Variants in NRXN1 observed in about 807,000 individuals in gnomAD.
NRXN1 encodes neurexin-1.
A neutral mutation model predicts 150.9 loss-of-function variants in NRXN1; 39 were observed. The observed-to-expected ratio is 0.26, with a 90% CI of 0.20 to 0.34. The LOEUF (loss-of-function observed/expected upper bound fraction) is 0.34, where lower values mean the gene tolerates loss of function less well. NRXN1 is among the 10% of genes least tolerant of loss of function. The pLI is 1.00. For missense variants in NRXN1, 1,815 were observed against 1,949.9 expected (o/e 0.93, Z 1.30); for synonymous variants, 924 against 757.0 (o/e 1.22, Z -3.62).
chr2:50,428,879 C>T (rs1196553426), intron 17 of NRXN1, among the ~76,000 whole-genome samples: 1 of 152,128 alleles, frequency 6.6e-6, no homozygotes, highest in Non-Finnish European at 1.5e-5. Context: ...GCCAATGTCA[C>T]ACAGCTTCTA....
intron 18 of NRXN1, among the ~76,000 whole-genome samples, chr2:50,112,734 A>C (rs1334641578): frequency 6.6e-6 from 1 of 152,210 alleles, no homozygotes; most frequent in Non-Finnish European, 1.5e-5. Flanking sequence ...CTTTACTAAA[A>C]TGCAGCATAA....
intron 21 of NRXN1, among the ~76,000 whole-genome samples, chr2:50,045,213 A>G (rs1318748324): frequency 6.6e-6 from 1 of 152,252 alleles, no homozygotes; most frequent in Non-Finnish European, 1.5e-5. Flanking sequence ...AGATGATAAA[A>G]CATGTAAGAA....
intron 10 of NRXN1, among the ~76,000 whole-genome samples, chr2:50,533,610 C>T (rs1009763208): frequency 1.3e-5 from 2 of 152,156 alleles, no homozygotes; most frequent in Non-Finnish European, 2.9e-5. Context: ...CATCTCTCAC[C>T]TACACCACTG....
At chr2:50,036,695 A>T (rs1036146984) in intron 21 of NRXN1, among the ~76,000 whole-genome samples, 1 of 152,196 alleles carries the variant, frequency 6.6e-6, no homozygotes. Context: ...TGACCATGTG[A>T]CTTGCTTAAT....
At chr2:49,998,442 T>TA (rs1683354407) in intron 21 of NRXN1, among the ~76,000 whole-genome samples, 1 of 152,198 alleles carries the variant, frequency 6.6e-6, no homozygotes, top group African/African-American at 2.4e-5. Flanking sequence ...CCATAATATG[T>TA]ACTTGGTTGC....
Position 49,921,684 on chromosome 2 carries a change from A to T in NRXN1, c.*260T>A. On this transcript the variant is annotated 3_prime_UTR_variant, in exon 23 of 23. Coordinates refer to ENST00000401669, the MANE Select transcript of NRXN1 (RefSeq NM_001330078.2). ...TGTCTTTTAGAAATGTTCCAGCAAC[A>T]TAAAGACAAGCAGAGTAAATGAAAA... The T allele has an allele frequency of 2.1e-6, 1 of 471,572 alleles. No homozygotes were observed. Among genetic ancestry groups the T allele is most frequent in the Non-Finnish European group, 3.8e-6 (1 of 264,826 alleles). The allele number at this position is 471,572 out of a possible 1,614,324, so 29.2% of individuals were successfully genotyped here.
rs142793558 is a variant in NRXN1, at chr2:50,739,617, T to C, written c.833-116002A>G. 3.1e-3 allele frequency among the ~76,000 whole-genome samples: 474 copies of C among 152,312 alleles called. 4 individuals carry two copies. Among genetic ancestry groups the C allele is most frequent in the Admixed American group, 7.7e-3 (117 of 15,290 alleles). On this transcript the variant is annotated intron_variant, in intron 5 of 22. Transcript: ENST00000401669. ...TTATCGGCTACTTACTCTATTGCAT[T>C]GGTCTTAACTCTATTCCATAATGGC...
chr2:50,140,906 GTA>G lies in NRXN1; in HGVS notation c.3547-49414_3547-49413del, dbSNP rs777640720. ...CATATATATGTGTTCGTGTGTGTGT[GTA>G]TATATATATATAAAACAACTACAAA... On this transcript the variant is annotated intron_variant, in intron 18 of 22. Coordinates refer to ENST00000401669, the MANE Select transcript of NRXN1 (RefSeq NM_001330078.2). 4.1e-4 allele frequency among the ~76,000 whole-genome samples: 61 copies of G among 150,606 alleles called. 1 individual carries two copies. The highest frequency in any genetic ancestry group is 1.4e-3 in the East Asian group (7 of 5,128).
Position 50,552,861 on chromosome 2 carries a change from T to C in NRXN1, c.1485A>G (p.Lys495=). The C allele has an allele frequency of 6.2e-7, 1 of 1,613,970 alleles. No homozygotes were observed. Among genetic ancestry groups the C allele is most frequent in the Non-Finnish European group, 8.5e-7 (1 of 1,179,872 alleles). Reference sequence around the variant, plus strand: ...TGGAGCCAGTTTTCTTTGCATTCCATTTAGGCAAAGAGATGAAAGACTCTG... The same window carrying C: ...TGGAGCCAGTTTTCTTTGCATTCCACTTAGGCAAAGAGATGAAAGACTCTG... ...ETPESFISLP[K]WNAKKTGSIS... The change falls in exon 9 of 23, where the codon AAA becomes AAG. Residue 495 remains lysine (K), a synonymous_variant. Coordinates refer to ENST00000401669, the MANE Select transcript of NRXN1 (RefSeq NM_001330078.2).
intron 17 of NRXN1, among the ~76,000 whole-genome samples, chr2:50,308,243 C>T (rs1036292449): frequency 1.3e-5 from 2 of 152,100 alleles, no homozygotes; most frequent in East Asian, 1.9e-4. Flanking sequence ...TATACTTTTA[C>T]TAATATCTCT....
chr2:50,774,874 C>A (rs1304201285), intron 5 of NRXN1, among the ~76,000 whole-genome samples: 1 of 152,140 alleles, frequency 6.6e-6, no homozygotes, highest in Non-Finnish European at 1.5e-5. Context: ...ATCCCAATCA[C>A]CAATCGAATT....
chr2:50,049,537 G>A (rs558632343), intron 21 of NRXN1, among the ~76,000 whole-genome samples: 2 of 152,098 alleles, frequency 1.3e-5, no homozygotes, highest in East Asian at 3.9e-4. Flanking sequence ...TCTACAGTAT[G>A]TATGTATTCT....
intron 17 of NRXN1, among the ~76,000 whole-genome samples, chr2:50,280,278 A>C (rs2071246636): frequency 6.4e-5 from 1 of 15,640 alleles, no homozygotes; most frequent in African/African-American, 1.4e-4. Context: ...AATCAGTCTC[A>C]AAAAAAAAAA....
chr2:50,219,920 C>CTATATTATATAATA (rs2063684856), intron 18 of NRXN1, among the ~76,000 whole-genome samples: 1 of 99,150 alleles, frequency 1.0e-5, no homozygotes, highest in Admixed American at 1.2e-4. Flanking sequence ...TAAAATCTCT[C>CTATATTATATAATA]TCTATATTAT....
intron 18 of NRXN1, among the ~76,000 whole-genome samples, chr2:50,110,140 G>A (rs972854262): frequency 6.6e-6 from 1 of 152,200 alleles, no homozygotes; most frequent in East Asian, 1.9e-4. Flanking sequence ...AGGACACAGG[G>A]AAAAGCAATA....
intron 5 of NRXN1, among the ~76,000 whole-genome samples, chr2:50,729,783 T>A (rs1481920999): frequency 2.0e-5 from 3 of 152,180 alleles, no homozygotes; most frequent in Admixed American, 2.0e-4. Context: ...ACATCTCTAT[T>A]CATCAGCTCA....
At chr2:50,547,047 C>A (rs2093509981) in intron 9 of NRXN1, among the ~76,000 whole-genome samples, 1 of 152,148 alleles carries the variant, frequency 6.6e-6, no homozygotes, top group Non-Finnish European at 1.5e-5. Flanking sequence ...CTGTTCACAT[C>A]AAACAGTGAT....
rs60622757 is a variant in NRXN1, at chr2:49,978,714, CAA to C, written c.4129-34925_4129-34924del. On this transcript the variant is annotated intron_variant, in intron 21 of 22. Coordinates refer to ENST00000401669, the MANE Select transcript of NRXN1 (RefSeq NM_001330078.2). ...AGCCATAAAAAGAAAAGAGAGGCCA[CAA>C]AAAAAAAAAAAAAAAGATGACCACA... Among the ~76,000 whole-genome samples, 717 of 123,070 alleles carry C rather than the reference CAA, an allele frequency of 5.8e-3. 4 individuals are homozygous for C. The highest frequency in any genetic ancestry group is 0.018 in the Middle Eastern group (4 of 222). The allele number at this position is 123,070 out of a possible 152,430, so 80.7% of individuals were successfully genotyped here.
intron 17 of NRXN1, among the ~76,000 whole-genome samples, chr2:50,387,081 T>C (rs533019529): frequency 5.7e-4 from 87 of 152,270 alleles, no homozygotes; most frequent in African/African-American, 2.0e-3. Flanking sequence ...TCTGATCATA[T>C]AGGGTCTGAT....
Sources: gnomAD v4.1 joint callset for allele counts (sites outside exome capture counted in the v4.1 genomes callset) on GRCh38, gnomAD v4.1.1 for gene constraint, MANE v1.5 for transcripts, NCBI Gene and HGNC (gene_info 2026-07-23, HGNC 2026-07-21) for gene names.